CAMKMT: variants seen among roughly 807,000 people sequenced by gnomAD.
CAMKMT encodes the protein calmodulin-lysine N-methyltransferase, also known as CaM KMT.
In CAMKMT, 53 loss-of-function variants were observed where a neutral mutation model predicts 48.0. The ratio of observed to expected loss-of-function variants is 1.10; its 90% confidence interval spans 0.89 to 1.39. The LOEUF is 1.39. Ranked by LOEUF, CAMKMT falls within the 40% of genes most tolerant of loss-of-function variation. The pLI, the probability that CAMKMT is intolerant of heterozygous loss-of-function variation, is 0.00. For missense variants in CAMKMT, 428 were observed against 402.7 expected, an observed-to-expected ratio of 1.06 and a Z score of -0.54; for synonymous variants, 165 against 152.3, an observed-to-expected ratio of 1.08 and a Z score of -0.61.
intron 3 of CAMKMT, among the ~76,000 whole-genome samples, chr2:44,501,047 T>TA (rs1307040263): frequency 6.6e-6 from 1 of 151,706 alleles, no homozygotes; most frequent in African/African-American, 2.4e-5. Flanking sequence ...GCTTTTTTTT[T>TA]AACCTTATAT....
chr2:44,523,978 T>C (rs537305291), intron 3 of CAMKMT, among the ~76,000 whole-genome samples: 4 of 151,844 alleles, frequency 2.6e-5, no homozygotes, highest in African/African-American at 9.7e-5. Flanking sequence ...GGTTTCATCA[T>C]GTTGGCCAGG....
At chr2:44,531,659 A>T (rs1347874241) in intron 3 of CAMKMT, among the ~76,000 whole-genome samples, 1 of 152,180 alleles carries the variant, frequency 6.6e-6, no homozygotes, top group African/African-American at 2.4e-5. Context: ...TCTTTTAAGT[A>T]AATAAACAGT....
chr2:44,431,403 A>G (rs779458810), intron 3 of CAMKMT, among the ~76,000 whole-genome samples: 8 of 152,156 alleles, frequency 5.3e-5, no homozygotes, highest in African/African-American at 1.2e-4. Context: ...GTTACTGTCA[A>G]TGGGATAAAA....
At chr2:44,430,885 T>A (rs1288564721) in intron 3 of CAMKMT, among the ~76,000 whole-genome samples, 2 of 152,220 alleles carry the variant, frequency 1.3e-5, no homozygotes, top group Non-Finnish European at 2.9e-5. Flanking sequence ...GAAGTTGTAA[T>A]GTTAAATTAG....
At chr2:44,543,776 A>G (rs1324788360) in intron 3 of CAMKMT, among the ~76,000 whole-genome samples, 2 of 152,202 alleles carry the variant, frequency 1.3e-5, no homozygotes, top group Non-Finnish European at 1.5e-5. Flanking sequence ...TGTAGTAATC[A>G]TGTATTTTAT....
At chr2:44,706,384 A>C in intron 5 of CAMKMT, 43 bp downstream of exon 5, 4 of 1,602,410 alleles carry the variant, frequency 2.5e-6, no homozygotes, top group Non-Finnish European at 3.4e-6. Flanking sequence ...AGGGAGGAAC[A>C]AAAGGAAAAA....
At chr2:44,489,956 C>T (rs570959615) in intron 3 of CAMKMT, among the ~76,000 whole-genome samples, 3 of 151,976 alleles carry the variant, frequency 2.0e-5, no homozygotes, top group African/African-American at 7.3e-5. Flanking sequence ...TAAACCTGCA[C>T]ATGTACTTGC....
At position 44,618,875 on chromosome 2, in the gene CAMKMT, A is replaced by G. The variant is rs995936077; in HGVS notation, c.377-85408A>G. Among the ~76,000 whole-genome samples the G allele has an allele frequency of 6.6e-6, 1 of 152,178 alleles. No homozygotes were observed. The highest frequency in any genetic ancestry group is 2.4e-5 in the African/African-American group (1 of 41,434). ...TCTATTTCATGTATAATTGATGACA[A>G]TGTTTCATGTAATTATTGATAACTT... On this transcript the variant is annotated intron_variant, in intron 3 of 10. Coordinates refer to ENST00000378494, the MANE Select transcript of CAMKMT (RefSeq NM_024766.5). This position sits in a 1 kb window ranked among gnomAD's most constrained non-coding sequence, Gnocchi z 4.0.
At chr2:44,726,016 C>T (rs916947844) in intron 7 of CAMKMT, among the ~76,000 whole-genome samples, 4 of 152,096 alleles carry the variant, frequency 2.6e-5, no homozygotes, top group Admixed American at 2.6e-4. Flanking sequence ...TCTGCTGTGT[C>T]CATTGTTCAC....
chr2:44,680,045 A>G (rs1270257180), intron 3 of CAMKMT, among the ~76,000 whole-genome samples: 5 of 152,240 alleles, frequency 3.3e-5, no homozygotes, highest in African/African-American at 1.2e-4. Context: ...TGTCTGAAAT[A>G]GCAGGGTGCC....
At chr2:44,434,638 A>C (rs1486486755) in intron 3 of CAMKMT, among the ~76,000 whole-genome samples, 1 of 152,204 alleles carries the variant, frequency 6.6e-6, no homozygotes, top group East Asian at 1.9e-4. Context: ...ATCAATTAAC[A>C]CAAGTATGTT....
chr2:44,766,506 T>G lies in CAMKMT; in HGVS notation c.839T>G (p.Phe280Cys). 1.9e-6 allele frequency: 3 copies of G among 1,614,166 alleles called. No homozygotes were observed. Among genetic ancestry groups the G allele is most frequent in the Non-Finnish European group, 1.7e-6 (2 of 1,180,022 alleles). The change falls in exon 10 of 11, where the codon TTC becomes TGC. Residue 280 changes from phenylalanine to cysteine, a missense_variant. Transcript: ENST00000378494. ...TGCAATCTAGCTGAAAAAGCTGGTT[T>G]CTGTATCCAAAGACATGAAAATTAT... The part of the protein sequence containing the change: ...QFCNLAEKAG[F>C]CIQRHENYDE...
At chr2:44,543,007 G>GT (rs1558690509) in intron 3 of CAMKMT, among the ~76,000 whole-genome samples, 1 of 152,134 alleles carries the variant, frequency 6.6e-6, no homozygotes, top group Non-Finnish European at 1.5e-5. Flanking sequence ...AGAGAACCGA[G>GT]TTTAAGTATC....
intron 3 of CAMKMT, among the ~76,000 whole-genome samples, chr2:44,519,374 AT>A (rs1239635938): frequency 2.0e-5 from 3 of 151,876 alleles, no homozygotes; most frequent in African/African-American, 7.3e-5. Flanking sequence ...ATTTAAATGT[AT>A]TTTTTTTCCA....
At chr2:44,651,548 C>T (rs1441809919) in intron 3 of CAMKMT, among the ~76,000 whole-genome samples, 1 of 152,134 alleles carries the variant, frequency 6.6e-6, no homozygotes, top group African/African-American at 2.4e-5. Context: ...GCACTCTAGC[C>T]TGGGTGACAG....
chr2:44,635,150 T>A (rs1377777695), intron 3 of CAMKMT, among the ~76,000 whole-genome samples: 2 of 152,164 alleles, frequency 1.3e-5, no homozygotes, highest in African/African-American at 4.8e-5. Flanking sequence ...GTGAGTATGA[T>A]GTTCATGACT....
At chr2:44,726,082 C>T (rs776845309) in intron 7 of CAMKMT, among the ~76,000 whole-genome samples, 10 of 152,104 alleles carry the variant, frequency 6.6e-5, no homozygotes, top group African/African-American at 1.7e-4. Context: ...AGTGAGAATA[C>T]GTGGTATTTG....
rs1183705926 is a variant in CAMKMT, at chr2:44,753,918, C to A, written c.699-137C>A. Reference sequence around the variant, plus strand: ...TCCCCTCCCACCCCCTCCAGTGAGACACTTGAATGGTAGGAAACAATTTCT... The same window carrying A: ...TCCCCTCCCACCCCCTCCAGTGAGAAACTTGAATGGTAGGAAACAATTTCT... On this transcript the variant is annotated intron_variant, in intron 8 of 10. Transcript: ENST00000378494. 9 of 660,266 alleles carry A rather than the reference C, an allele frequency of 1.4e-5. No individual in the cohort carries two copies. In the Admixed American group the frequency reaches 1.8e-4, roughly 14 times the overall value. The allele number at this position is 660,266 out of a possible 1,614,324, so 40.9% of individuals were successfully genotyped here.
chr2:44,765,870 C>A (rs549339755), intron 9 of CAMKMT, among the ~76,000 whole-genome samples: 2 of 152,336 alleles, frequency 1.3e-5, no homozygotes, highest in Admixed American at 1.3e-4. Context: ...GAGCCTGTAT[C>A]TGACAGCGTG....
Sources: gnomAD v4.1 joint callset for allele counts (sites outside exome capture counted in the v4.1 genomes callset) on GRCh38, gnomAD v4.1.1 for gene constraint, Gnocchi (gnomAD v3.1) non-coding constraint, MANE v1.5 for transcripts, NCBI Gene and HGNC (gene_info 2026-07-23, HGNC 2026-07-21) for gene names.